Variants in SCHIP1 observed in about 807,000 individuals in gnomAD.
SCHIP1 encodes schwannomin interacting protein 1.
SCHIP1 carries 8 observed loss-of-function variants against 29.7 expected under a neutral mutation model. The observed-to-expected ratio is 0.27, with a 90% confidence interval of 0.16 to 0.49. The LOEUF is 0.49. SCHIP1 is among the 20% of genes least tolerant of loss of function. SCHIP1 has a pLI of 0.99. For synonymous variants in SCHIP1, 76 were observed against 94.9 expected (o/e 0.80, Z 1.16); for missense variants, 193 against 294.6 (o/e 0.66, Z 2.52).
the SCHIP1 span, among the ~76,000 whole-genome samples, chr3:159,597,134 T>G: frequency 6.6e-6 from 1 of 152,118 alleles, no homozygotes; most frequent in Non-Finnish European, 1.5e-5. Context: ...GCCCAGGGCA[T>G]GCATACCATA....
the SCHIP1 span, among the ~76,000 whole-genome samples, chr3:159,369,374 TG>T: frequency 1.3e-5 from 2 of 152,172 alleles, no homozygotes; most frequent in Non-Finnish European, 2.9e-5. Flanking sequence ...ATTGTTATAT[TG>T]GTACTACTTC....
the SCHIP1 span, among the ~76,000 whole-genome samples, chr3:159,797,576 CT>C: frequency 0.015 from 2,242 of 145,142 alleles, 40 homozygotes; most frequent in African/African-American, 0.046. Context: ...ATTTAAAGAT[CT>C]TTTTTTTTTT....
At chr3:159,618,035 CA>C in the SCHIP1 span, among the ~76,000 whole-genome samples, 1 of 152,142 alleles carries the variant, frequency 6.6e-6, no homozygotes, top group Non-Finnish European at 1.5e-5. Context: ...CAAGATATCA[CA>C]AAAAGTTGTG....
chr3:159,864,526 C>T (rs1485350018), intron 1 of SCHIP1, among the ~76,000 whole-genome samples: 6 of 147,816 alleles, frequency 4.1e-5, no homozygotes, highest in African/African-American at 7.4e-5. Flanking sequence ...TATGCTAGCT[C>T]CTAGTATGAT....
At chr3:159,369,661 A>G in the SCHIP1 span, among the ~76,000 whole-genome samples, 1 of 129,032 alleles carries the variant, frequency 7.8e-6, no homozygotes. Flanking sequence ...AAATTGAAGA[A>G]GTCAGTTTGG....
chr3:159,398,082 G>A, the SCHIP1 span, among the ~76,000 whole-genome samples: 12 of 152,132 alleles, frequency 7.9e-5, no homozygotes, highest in African/African-American at 2.2e-4. Context: ...GGAGTGACCC[G>A]ATTTTCCAGG....
Position 159,880,450 on chromosome 3 carries a change from A to G in SCHIP1, c.150-5757A>G, listed in dbSNP as rs577787978. Among the ~76,000 whole-genome samples the G allele has an allele frequency of 2.5e-3, 374 of 152,346 alleles. 2 individuals are homozygous for G. The highest frequency in any genetic ancestry group is 8.8e-3 in the African/African-American group (367 of 41,578). On this transcript the variant is annotated intron_variant, in intron 2 of 6. Coordinates refer to ENST00000445224, the Ensembl canonical transcript of SCHIP1. ...CCTTCCAATGCTCTGTGTATTCCAC[A>G]TTTCTATTTATACATTGTGACTTAA...
At chr3:159,408,534 A>T in the SCHIP1 span, among the ~76,000 whole-genome samples, 1 of 152,156 alleles carries the variant, frequency 6.6e-6, no homozygotes, top group Admixed American at 6.5e-5. Context: ...AGAGGCTACT[A>T]TAATCAACTA....
chr3:159,542,505 A>G, the SCHIP1 span, among the ~76,000 whole-genome samples: 1 of 152,060 alleles, frequency 6.6e-6, no homozygotes, highest in Non-Finnish European at 1.5e-5. Flanking sequence ...CACTGAGCAT[A>G]ATCACTCAGA....
the SCHIP1 span, among the ~76,000 whole-genome samples, chr3:159,349,021 G>A: frequency 1.3e-5 from 2 of 152,280 alleles, no homozygotes; most frequent in South Asian, 4.1e-4. Context: ...CATCTTGAAT[G>A]AAAGAGCTAT....
chr3:159,767,070 T>C, the SCHIP1 span, among the ~76,000 whole-genome samples: 3 of 152,206 alleles, frequency 2.0e-5, no homozygotes, highest in African/African-American at 4.8e-5. Context: ...TTAGATTTCA[T>C]TGTGTCAAAG....
chr3:159,307,406 T>A, the SCHIP1 span, among the ~76,000 whole-genome samples: 1 of 152,292 alleles, frequency 6.6e-6, no homozygotes, highest in East Asian at 1.9e-4. Flanking sequence ...GGACAGTGCC[T>A]GGGACAGCAT....
At chr3:159,615,773 T>A in the SCHIP1 span, among the ~76,000 whole-genome samples, 9,562 of 152,276 alleles carry the variant, frequency 0.063, 1,013 homozygotes, top group African/African-American at 0.21. Flanking sequence ...TTTGGGTGAA[T>A]GACAGTACTA....
At chr3:159,692,628 AC>A in the SCHIP1 span, among the ~76,000 whole-genome samples, 1 of 152,118 alleles carries the variant, frequency 6.6e-6, no homozygotes, top group East Asian at 1.9e-4. Flanking sequence ...ATTCCTCTAA[AC>A]TTTTATCAAG....
At chr3:159,571,499 A>G in the SCHIP1 span, among the ~76,000 whole-genome samples, 65 of 152,316 alleles carry the variant, frequency 4.3e-4, no homozygotes, top group Non-Finnish European at 7.9e-4. Flanking sequence ...TATGGTGGAT[A>G]AGCTTTTGAT....
the SCHIP1 span, among the ~76,000 whole-genome samples, chr3:159,343,329 A>AATT: frequency 3.5e-4 from 53 of 152,326 alleles, no homozygotes; most frequent in African/African-American, 1.3e-3. Context: ...CATACATTTT[A>AATT]ATTAGTTATT....
chr3:159,689,649 T>C, the SCHIP1 span, among the ~76,000 whole-genome samples: 1 of 152,194 alleles, frequency 6.6e-6, no homozygotes, highest in African/African-American at 2.4e-5. Context: ...ATAGGAGTGG[T>C]GAGAGAGGGC....
At chr3:159,534,540 C>T in the SCHIP1 span, among the ~76,000 whole-genome samples, 1 of 152,088 alleles carries the variant, frequency 6.6e-6, no homozygotes, top group African/African-American at 2.4e-5. Flanking sequence ...GTATGTGCTT[C>T]TCAAGTTGCC....
chr3:159,304,293 T>C, the SCHIP1 span, among the ~76,000 whole-genome samples: 1 of 152,176 alleles, frequency 6.6e-6, no homozygotes, highest in African/African-American at 2.4e-5. Context: ...TAATACATTA[T>C]CTGGGGTTTT....
Sources: allele counts gnomAD v4.1 joint callset (sites outside exome capture counted in the v4.1 genomes callset), GRCh38; gene constraint gnomAD v4.1.1; transcripts MANE v1.5; gene names NCBI Gene and HGNC (gene_info 2026-07-23, HGNC 2026-07-21).